Variants in LRFN5 observed in about 807,000 individuals in gnomAD.
LRFN5 encodes the protein leucine rich repeat and fibronectin type III domain containing 5, also known as leucine-rich repeat and fibronectin type-III domain-containing protein 5.
Under a neutral mutation model 45.6 loss-of-function variants are expected in LRFN5, and 24 were observed. That is an observed-to-expected ratio of 0.53 (90% CI 0.38 to 0.74). LRFN5 has a LOEUF of 0.74. LRFN5 is among the 30% of genes least tolerant of loss of function. The pLI, the probability that LRFN5 is intolerant of heterozygous loss-of-function variation, is 0.00. For synonymous variants in LRFN5, 340 were observed against 313.8 expected (o/e 1.08, Z -0.88); for missense variants, 776 against 861.5 (o/e 0.90, Z 1.24).
intron 2 of LRFN5, among the ~76,000 whole-genome samples, chr14:41,801,047 T>A (rs1215877128): frequency 6.6e-6 from 1 of 151,972 alleles, no homozygotes; most frequent in African/African-American, 2.4e-5. Context: ...TATCACACTA[T>A]ATCTAACAAT....
At chr14:41,856,118 A>G (rs1182458634) in intron 2 of LRFN5, among the ~76,000 whole-genome samples, 1 of 152,188 alleles carries the variant, frequency 6.6e-6, no homozygotes, top group Admixed American at 6.5e-5. Context: ...GAGGAATGTG[A>G]CATGTACAAA....
chr14:41,839,817 A>T (rs763621465), intron 2 of LRFN5, among the ~76,000 whole-genome samples: 1 of 152,094 alleles, frequency 6.6e-6, no homozygotes, highest in Non-Finnish European at 1.5e-5. Flanking sequence ...GGCTTTAGCT[A>T]ATTCAATTTC....
intron 2 of LRFN5, among the ~76,000 whole-genome samples, chr14:41,850,653 C>T (rs1889234797): frequency 6.6e-6 from 1 of 151,686 alleles, no homozygotes; most frequent in Non-Finnish European, 1.5e-5. Flanking sequence ...GATATATTTT[C>T]TTTCTTTACT....
At chr14:41,835,915 T>C (rs900067325) in intron 2 of LRFN5, among the ~76,000 whole-genome samples, 13 of 147,992 alleles carry the variant, frequency 8.8e-5, no homozygotes, top group African/African-American at 3.3e-4. Flanking sequence ...AAGTTTTTCT[T>C]TTCTTTTTCT....
intron 1 of LRFN5, among the ~76,000 whole-genome samples, chr14:41,665,852 A>C (rs555421099): frequency 6.6e-6 from 1 of 152,132 alleles, no homozygotes; most frequent in African/African-American, 2.4e-5. Context: ...TTATAATTTA[A>C]ATCCAATTAT....
At chr14:41,735,327 G>T (rs1884377538) in intron 1 of LRFN5, among the ~76,000 whole-genome samples, 1 of 151,978 alleles carries the variant, frequency 6.6e-6, no homozygotes, top group Non-Finnish European at 1.5e-5. Flanking sequence ...TAATGCAGTG[G>T]CACAATCATG....
chr14:41,735,138 C>T (rs1422242952), intron 1 of LRFN5, among the ~76,000 whole-genome samples: 1 of 152,094 alleles, frequency 6.6e-6, no homozygotes, highest in Non-Finnish European at 1.5e-5. Flanking sequence ...TATATTTTTA[C>T]ATGTTTTTAT....
chr14:41,793,915 C>A (rs182043467), intron 2 of LRFN5, among the ~76,000 whole-genome samples: 3 of 152,162 alleles, frequency 2.0e-5, no homozygotes, highest in Admixed American at 2.0e-4. Flanking sequence ...TTAAATTCAT[C>A]TTTGAAAATC....
chr14:41,612,127 T>A (rs1887778214), intron 1 of LRFN5, among the ~76,000 whole-genome samples: 1 of 152,190 alleles, frequency 6.6e-6, no homozygotes, highest in African/African-American at 2.4e-5. Flanking sequence ...TGCTGAGTTT[T>A]CTTGCTGGTG....
intron 2 of LRFN5, among the ~76,000 whole-genome samples, chr14:41,809,529 A>T (rs982388474): frequency 1.3e-5 from 2 of 151,852 alleles, no homozygotes; most frequent in African/African-American, 4.8e-5. Context: ...AACTCTTCAA[A>T]ATTTTAATTA....
At chr14:41,892,874 T>C in intron 4 of LRFN5, 3 of 985,008 alleles carry the variant, frequency 3.0e-6, no homozygotes, top group Non-Finnish European at 3.6e-6. Flanking sequence ...TTTTCATTCA[T>C]TTAATACACA....
chr14:41,719,921 C>T (rs1427064551), intron 1 of LRFN5, among the ~76,000 whole-genome samples: 1 of 151,962 alleles, frequency 6.6e-6, no homozygotes, highest in African/African-American at 2.4e-5. Flanking sequence ...TGAACTATCT[C>T]TCCATATAGA....
chr14:41,633,039 C>T (rs1401384843), intron 1 of LRFN5, among the ~76,000 whole-genome samples: 1 of 152,062 alleles, frequency 6.6e-6, no homozygotes, highest in Non-Finnish European at 1.5e-5. Flanking sequence ...ATAATTTAGA[C>T]CCTATGAACC....
intron 2 of LRFN5, among the ~76,000 whole-genome samples, chr14:41,778,517 A>G (rs1389267331): frequency 6.6e-6 from 1 of 151,662 alleles, no homozygotes; most frequent in Non-Finnish European, 1.5e-5. Context: ...ACAGATTGTT[A>G]TTATTATCAT....
At chr14:41,808,568 A>G (rs1887622982) in intron 2 of LRFN5, among the ~76,000 whole-genome samples, 2 of 140,406 alleles carry the variant, frequency 1.4e-5, no homozygotes, top group African/African-American at 2.6e-5. Context: ...GAAGGAAGGA[A>G]GGAAGGAAGG....
intron 2 of LRFN5, among the ~76,000 whole-genome samples, chr14:41,795,916 A>T (rs1887110663): frequency 1.3e-5 from 1 of 78,132 alleles, no homozygotes; most frequent in South Asian, 5.4e-4. Context: ...CCTAGAACTT[A>T]AAGTATATAA....
At chr14:41,758,574 A>T (rs185199092) in intron 1 of LRFN5, among the ~76,000 whole-genome samples, 22 of 152,322 alleles carry the variant, frequency 1.4e-4, no homozygotes, top group African/African-American at 5.1e-4. Context: ...TTAATTTCTT[A>T]TGTCCTTTCT....
chr14:41,806,502 G>A (rs965821523), intron 2 of LRFN5, among the ~76,000 whole-genome samples: 10 of 152,046 alleles, frequency 6.6e-5, no homozygotes, highest in Admixed American at 2.6e-4. Context: ...ACTTAAGATA[G>A]ATCTTGAGTA....
intron 1 of LRFN5, among the ~76,000 whole-genome samples, chr14:41,623,800 G>T (rs1888225264): frequency 6.6e-6 from 1 of 151,974 alleles, no homozygotes; most frequent in African/African-American, 2.4e-5. Flanking sequence ...TTTTGTTTCA[G>T]CTCACTTCAA....
Sources: allele counts gnomAD v4.1 joint callset (sites outside exome capture counted in the v4.1 genomes callset), GRCh38; gene constraint gnomAD v4.1.1; transcripts MANE v1.5; gene names NCBI Gene and HGNC (gene_info 2026-07-23, HGNC 2026-07-21).